CCDC73: variants seen among roughly 807,000 people sequenced by gnomAD.
The protein encoded by CCDC73 is coiled-coil domain containing 73, also known as coiled-coil domain-containing protein 73.
In CCDC73, 95 loss-of-function variants were observed where a neutral mutation model predicts 116.5. The ratio of observed to expected loss-of-function variants is 0.82; its 90% CI spans 0.69 to 0.97. The LOEUF is 0.97. CCDC73 is among the 50% of genes least tolerant of loss of function. CCDC73 has a pLI of 0.00. For missense variants in CCDC73, 1,066 were observed against 1,206.8 expected (o/e 0.88, Z 1.73); for synonymous variants, 398 against 401.3 (o/e 0.99, Z 0.10).
At chr11:32,680,794 C>T (rs1420180636) in intron 7 of CCDC73, 1 of 151,930 alleles carries the variant, frequency 6.6e-6, no homozygotes, top group African/African-American at 2.4e-5. Context: ...ATTTAACACA[C>T]TCATTTACAA....
chr11:32,685,283 A>AC (rs1362517289), intron 6 of CCDC73, among the ~76,000 whole-genome samples: 1 of 150,946 alleles, frequency 6.6e-6, no homozygotes, highest in Non-Finnish European at 1.5e-5. Context: ...AAAAAAAAAA[A>AC]AAAACTCCTG....
chr11:32,674,448 T>C (rs561514405), intron 9 of CCDC73, among the ~76,000 whole-genome samples: 29 of 152,300 alleles, frequency 1.9e-4, no homozygotes, highest in African/African-American at 7.0e-4. Context: ...TATTTTTAGT[T>C]GCAAATCATG....
At chr11:32,673,371 T>C (rs1302802845) in intron 9 of CCDC73, among the ~76,000 whole-genome samples, 1 of 152,056 alleles carries the variant, frequency 6.6e-6, no homozygotes, top group Non-Finnish European at 1.5e-5. Context: ...AACCTAAAAC[T>C]GCTCTAAAAA....
chr11:32,751,034 C>G (rs1165105922), intron 2 of CCDC73, among the ~76,000 whole-genome samples: 5 of 152,122 alleles, frequency 3.3e-5, no homozygotes, highest in Admixed American at 6.5e-5. Flanking sequence ...GGTAGTGAAT[C>G]CTGCCAGAAC....
chr11:32,621,293 CA>C (rs568243661), intron 14 of CCDC73, among the ~76,000 whole-genome samples: 149 of 152,230 alleles, frequency 9.8e-4, no homozygotes, highest in Middle Eastern at 3.4e-3. Context: ...CAACAGTAAC[CA>C]AAACAACTTG....
chr11:32,639,606 G>T (rs1156361108), intron 13 of CCDC73, among the ~76,000 whole-genome samples: 1 of 151,738 alleles, frequency 6.6e-6, no homozygotes, highest in Non-Finnish European at 1.5e-5. Context: ...CCACCACCAC[G>T]CCCGGCTAAT....
intron 12 of CCDC73, among the ~76,000 whole-genome samples, chr11:32,650,226 G>T (rs1855814509): frequency 6.6e-6 from 1 of 152,144 alleles, no homozygotes; most frequent in African/African-American, 2.4e-5. Context: ...AGCTGTCATA[G>T]ATCTAGGAAA....
chr11:32,602,984 T>G lies in CCDC73; in HGVS notation c.3067A>C (p.Ser1023Arg). 6.2e-7 allele frequency: 1 copy of G among 1,612,344 alleles called. No individual in the cohort carries two copies. Among genetic ancestry groups the G allele is most frequent in the Non-Finnish European group, 8.5e-7 (1 of 1,179,538 alleles). ...TKPLISTPLQ[S>R]HLQAIKTTKN... Reference sequence around the variant, plus strand: ...GTCGTCTTGATTGCCTGCAAATGGCTTTGTAGTGGAGTTGATATCAGAGGC... The same window carrying G: ...GTCGTCTTGATTGCCTGCAAATGGCGTTGTAGTGGAGTTGATATCAGAGGC... The change falls in exon 18 of 18, where the codon AGC becomes CGC. Residue 1023 changes from serine to arginine, a missense_variant. Coordinates refer to ENST00000335185, the MANE Select transcript of CCDC73 (RefSeq NM_001008391.4).
intron 14 of CCDC73, among the ~76,000 whole-genome samples, chr11:32,624,638 T>C (rs1222017271): frequency 2.0e-5 from 3 of 152,180 alleles, no homozygotes; most frequent in Admixed American, 2.0e-4. Flanking sequence ...GATCTAGAAC[T>C]AGAAATACCA....
chr11:32,712,856 G>GA (rs1849914460), intron 3 of CCDC73, among the ~76,000 whole-genome samples: 1 of 151,862 alleles, frequency 6.6e-6, no homozygotes, highest in African/African-American at 2.4e-5. Context: ...ATATCTTAAT[G>GA]AAAAAATATA....
chr11:32,627,127 AAAAC>A (rs1323789751), intron 14 of CCDC73, among the ~76,000 whole-genome samples: 9 of 152,358 alleles, frequency 5.9e-5, no homozygotes, highest in East Asian at 5.8e-4. Context: ...TTACAAGAAA[AAAAC>A]AAACAACCCC....
chr11:32,664,322 G>A (rs971138180), intron 9 of CCDC73, among the ~76,000 whole-genome samples: 2 of 151,980 alleles, frequency 1.3e-5, no homozygotes, highest in African/African-American at 4.8e-5. Flanking sequence ...GACTTTTTTT[G>A]GTTGGTAGGC....
chr11:32,703,018 T>C, intron 3 of CCDC73, 74 bp from the exon 4 acceptor site: 1 of 1,004,400 alleles, frequency 1.0e-6, no homozygotes, highest in African/African-American at 1.6e-5. Context: ...TTAACTAGGT[T>C]CACAATTTAA....
chr11:32,694,603 CAATT>C (rs1237360948), intron 6 of CCDC73, among the ~76,000 whole-genome samples: 1 of 151,868 alleles, frequency 6.6e-6, no homozygotes, highest in Non-Finnish European at 1.5e-5. Flanking sequence ...ATTAAAAAAA[CAATT>C]AAAAATATAC....
intron 13 of CCDC73, among the ~76,000 whole-genome samples, chr11:32,637,254 G>A (rs975770958): frequency 1.3e-5 from 2 of 151,608 alleles, no homozygotes; most frequent in African/African-American, 4.8e-5. Flanking sequence ...CTTGTGATCC[G>A]CCCACCTCGG....
intron 14 of CCDC73, among the ~76,000 whole-genome samples, chr11:32,625,025 A>G (rs1384679073): frequency 2.6e-5 from 4 of 152,158 alleles, no homozygotes; most frequent in Admixed American, 1.3e-4. Context: ...TCCCTTTACC[A>G]TTATGTAATG....
intron 2 of CCDC73, among the ~76,000 whole-genome samples, chr11:32,720,192 G>A (rs1849978837): frequency 6.6e-6 from 1 of 152,100 alleles, no homozygotes; most frequent in East Asian, 1.9e-4. Context: ...AAAATTATAT[G>A]AGTGGAATTT....
chr11:32,723,918 GA>G (rs1850010905), intron 2 of CCDC73, among the ~76,000 whole-genome samples: 2 of 151,820 alleles, frequency 1.3e-5, no homozygotes, highest in South Asian at 2.1e-4. Context: ...ACAGATGGAA[GA>G]AAAAATTAAA....
chr11:32,602,840 T>C lies in CCDC73; in HGVS notation c.3211A>G (p.Thr1071Ala). ...NQPKKRKAEE[T>A]LEKNNRLK ...TTTAATCTGTTGTTTTTTTCCAACG[T>C]CTCTTCTGCTTTTCTTTTCTTTGGC... is the stretch of plus-strand genomic sequence containing the variant. Residue 1071 changes from threonine (T) to alanine (A), a missense_variant, in exon 18 of 18, where the codon ACG becomes GCG. Physicochemically the swap from Thr to Ala is moderately conservative, Grantham distance 58. Transcript: ENST00000335185. 6.2e-7 allele frequency: 1 copy of C among 1,604,664 alleles called. No homozygotes were observed. Among genetic ancestry groups the C allele is most frequent in the Non-Finnish European group, 8.5e-7 (1 of 1,176,298 alleles).
Sources: allele counts gnomAD v4.1 joint callset (sites outside exome capture counted in the v4.1 genomes callset), GRCh38; gene constraint gnomAD v4.1.1; transcripts MANE v1.5; gene names NCBI Gene and HGNC (gene_info 2026-07-23, HGNC 2026-07-21).